CREB5: variants seen among roughly 807,000 people sequenced by gnomAD.
CREB5 encodes the protein cAMP responsive element binding protein 5, also known as cyclic AMP-responsive element-binding protein 5.
Under a neutral mutation model 57.1 loss-of-function variants are expected in CREB5, and 19 were observed. The ratio of observed to expected loss-of-function variants is 0.33; its 90% CI spans 0.23 to 0.49. The LOEUF (loss-of-function observed/expected upper bound fraction) is 0.49, where lower values mean the gene tolerates loss of function less well. Ranked by LOEUF, CREB5 falls within the 20% of genes least tolerant of loss-of-function variation. The pLI is 0.99. For missense variants in CREB5, 579 were observed against 671.6 expected (o/e 0.86, Z 1.52); for synonymous variants, 238 against 238.3 (o/e 1.00, Z 0.01).
chr7:28,640,803 G>A (rs139013617), intron 5 of CREB5, among the ~76,000 whole-genome samples: 13 of 152,190 alleles, frequency 8.5e-5, no homozygotes, highest in South Asian at 2.1e-4. Context: ...ATCGAGACCC[G>A]CTTCCCTAGA....
rs1583591521 is a variant in CREB5, at chr7:28,710,353, CAT to C, written c.465-8397_465-8396del. Among the ~76,000 whole-genome samples, 3 of 152,248 alleles carry C rather than the reference CAT, an allele frequency of 2.0e-5. No homozygotes were observed. In the East Asian group the frequency reaches 5.8e-4, roughly 29 times the overall value. On this transcript the variant is annotated intron_variant, in intron 5 of 10. Coordinates refer to ENST00000357727, the MANE Select transcript of CREB5 (RefSeq NM_182898.4). Reference sequence around the variant, plus strand: ...TATTTATGTTTTCATTAATAAAAGACATATTTATTAAGCACCTACTAGGTACC... The same window carrying C: ...TATTTATGTTTTCATTAATAAAAGACATTTATTAAGCACCTACTAGGTACC...
chr7:28,671,261 G>GA lies in CREB5; in HGVS notation c.465-47478dup, dbSNP rs565901522. Among the ~76,000 whole-genome samples, 401 of 134,532 alleles carry GA rather than the reference G, an allele frequency of 3.0e-3. 2 individuals carry two copies. The highest frequency in any genetic ancestry group is 8.3e-3 in the African/African-American group (295 of 35,482). The allele number at this position is 134,532 out of a possible 152,430, so 88.3% of individuals were successfully genotyped here. A position where few individuals can be genotyped will look rare whatever the true frequency, so the allele number is the denominator to read the frequency against. On this transcript the variant is annotated intron_variant, in intron 5 of 10. Transcript: ENST00000357727. The stretch of plus-strand genomic sequence containing the variant: ...ACAGAGTGAGACCCTGTCTCAAAAA[G>GA]AAAAAAAAAAAAAAGTGTGTACTAA...
chr7:28,529,130 A>G (rs564196061), intron 4 of CREB5, among the ~76,000 whole-genome samples: 1 of 152,326 alleles, frequency 6.6e-6, no homozygotes, highest in Admixed American at 6.5e-5. Flanking sequence ...CTGGAGCACA[A>G]CTGGTGTCTG....
chr7:28,664,320 C>T (rs1348227613), intron 5 of CREB5, among the ~76,000 whole-genome samples: 1 of 152,182 alleles, frequency 6.6e-6, no homozygotes, highest in Non-Finnish European at 1.5e-5. Flanking sequence ...TTCAGCCCTT[C>T]AAGTAAAACT....
intron 4 of CREB5, among the ~76,000 whole-genome samples, chr7:28,543,043 T>A (rs1333405518): frequency 6.6e-6 from 1 of 151,324 alleles, no homozygotes; most frequent in Non-Finnish European, 1.5e-5. Context: ...TCATATAACT[T>A]TTTTTTTAAG....
At chr7:28,661,931 T>G (rs1042412029) in intron 5 of CREB5, among the ~76,000 whole-genome samples, 2 of 152,238 alleles carry the variant, frequency 1.3e-5, no homozygotes, top group Non-Finnish European at 2.9e-5. Flanking sequence ...TGAAGGAAAC[T>G]GACATTCTGT....
chr7:28,732,390 A>C (rs778986398), intron 7 of CREB5, among the ~76,000 whole-genome samples: 1 of 152,048 alleles, frequency 6.6e-6, no homozygotes, highest in Non-Finnish European at 1.5e-5. Context: ...ATTCAGATGC[A>C]TCTGGGCAAA....
At chr7:28,795,755 C>CTTT (rs367853221) in intron 7 of CREB5, among the ~76,000 whole-genome samples, 14,164 of 137,374 alleles carry the variant, frequency 0.1, 795 homozygotes, top group East Asian at 0.15. Context: ...GTTTTTCTTT[C>CTTT]TTTTTTTTTT....
chr7:28,459,347 T>C (rs1016678919), intron 1 of CREB5, among the ~76,000 whole-genome samples: 1 of 152,042 alleles, frequency 6.6e-6, no homozygotes, highest in Non-Finnish European at 1.5e-5. Flanking sequence ...GTTGGAAGAG[T>C]GGGAAAGCAC....
intron 4 of CREB5, among the ~76,000 whole-genome samples, chr7:28,509,180 T>C (rs1215305859): frequency 6.6e-6 from 1 of 152,230 alleles, no homozygotes; most frequent in Non-Finnish European, 1.5e-5. Flanking sequence ...AAGATGTGTA[T>C]TTCATCCATA....
intron 5 of CREB5, among the ~76,000 whole-genome samples, chr7:28,589,698 C>T (rs1175330088): frequency 1.3e-5 from 2 of 152,096 alleles, no homozygotes; most frequent in African/African-American, 2.4e-5. Context: ...TTTCTAGAGT[C>T]TCTTATTATT....
chr7:28,737,733 A>G (rs1028064678), intron 7 of CREB5, among the ~76,000 whole-genome samples: 5 of 151,878 alleles, frequency 3.3e-5, no homozygotes, highest in African/African-American at 9.7e-5. Flanking sequence ...TAGATCATTC[A>G]GCAAAGATAT....
intron 5 of CREB5, among the ~76,000 whole-genome samples, chr7:28,580,097 T>G (rs1026315701): frequency 2.0e-5 from 3 of 152,232 alleles, no homozygotes; most frequent in African/African-American, 7.2e-5. Context: ...GAAACCAGTC[T>G]ACTTCTAAAG....
Position 28,818,126 on chromosome 7 carries a change from C to T in CREB5, c.1310C>T (p.Thr437Ile). The T allele has an allele frequency of 1.2e-6, 2 of 1,613,588 alleles. No individual in the cohort carries two copies. The highest frequency in any genetic ancestry group is 1.7e-6 in the Non-Finnish European group (2 of 1,179,730). Residue 437 changes from threonine (T) to isoleucine (I), a missense_variant, in exon 10 of 11, where the codon ACA becomes ATA. Physicochemically the swap from Thr to Ile is moderately conservative, Grantham distance 89. Coordinates refer to ENST00000357727, the MANE Select transcript of CREB5 (RefSeq NM_182898.4). ...GCCCAGCTGAAACAGTTGTTGTTAACACATAAAGACTGCCCAATAACAGCC... is the reference window on the plus strand; with the variant it reads ...GCCCAGCTGAAACAGTTGTTGTTAATACATAAAGACTGCCCAATAACAGCC... ...EVAQLKQLLL[T>I]HKDCPITAMQ...
intron 4 of CREB5, among the ~76,000 whole-genome samples, chr7:28,522,037 C>T (rs901858213): frequency 7.9e-5 from 12 of 152,042 alleles, no homozygotes; most frequent in Non-Finnish European, 2.9e-5. Flanking sequence ...TGTCAGGTGC[C>T]GTTCTAGAAG....
chr7:28,790,271 A>G (rs549000088), intron 7 of CREB5, among the ~76,000 whole-genome samples: 2 of 152,336 alleles, frequency 1.3e-5, no homozygotes, highest in Admixed American at 1.3e-4. Flanking sequence ...TTATCCAACC[A>G]TAATAAATTG....
intron 7 of CREB5, among the ~76,000 whole-genome samples, chr7:28,780,662 C>T (rs1413815735): frequency 6.6e-6 from 1 of 152,134 alleles, no homozygotes; most frequent in Non-Finnish European, 1.5e-5. Context: ...GTGGAGATTG[C>T]AGTGTGCCGA....
intron 1 of CREB5, among the ~76,000 whole-genome samples, chr7:28,462,225 C>A (rs1219586539): frequency 6.6e-6 from 1 of 152,162 alleles, no homozygotes; most frequent in Non-Finnish European, 1.5e-5. Context: ...AAGGTTCACC[C>A]ATGTTGTAGC....
intron 5 of CREB5, among the ~76,000 whole-genome samples, chr7:28,632,530 T>C (rs1040776845): frequency 1.3e-5 from 2 of 152,176 alleles, no homozygotes; most frequent in Non-Finnish European, 2.9e-5. Flanking sequence ...TTCAAATGTT[T>C]TGTTCTTTAA....
Sources: allele counts gnomAD v4.1 joint callset (sites outside exome capture counted in the v4.1 genomes callset), GRCh38; gene constraint gnomAD v4.1.1; transcripts MANE v1.5; gene names NCBI Gene and HGNC (gene_info 2026-07-23, HGNC 2026-07-21).